Variants in LRP1B observed in about 807,000 individuals in gnomAD.
The protein encoded by LRP1B is LDL receptor related protein 1B.
LRP1B carries 217 observed loss-of-function variants against 556.6 expected under a neutral mutation model. That is an observed-to-expected ratio of 0.39 (90% CI 0.35 to 0.44). LRP1B has a LOEUF of 0.44. Ranked by LOEUF, LRP1B falls within the 20% of genes least tolerant of loss-of-function variation. The probability of loss-of-function intolerance (pLI) is 1.00; values close to 1 mark genes in which losing one functional copy is unlikely to be tolerated. For synonymous variants in LRP1B, 2,047 were observed against 1,865.8 expected (o/e 1.10, Z -2.50); for missense variants, 5,053 against 5,620.8 (o/e 0.90, Z 3.23).
intron 3 of LRP1B, among the ~76,000 whole-genome samples, chr2:141,403,278 T>A (rs16846018): frequency 0.012 from 1,871 of 152,266 alleles, 44 homozygotes; most frequent in African/African-American, 0.038. Flanking sequence ...TAGTTTAGGA[T>A]AAAATTATCA....
chr2:141,985,142 A>G (rs1702149801), intron 1 of LRP1B, among the ~76,000 whole-genome samples: 1 of 152,120 alleles, frequency 6.6e-6, no homozygotes, highest in Non-Finnish European at 1.5e-5. Flanking sequence ...CAAACTCTGG[A>G]AAGAAGTTGA....
intron 43 of LRP1B, among the ~76,000 whole-genome samples, chr2:140,598,408 G>T (rs548299427): frequency 6.6e-6 from 1 of 152,272 alleles, no homozygotes; most frequent in South Asian, 2.1e-4. Context: ...AAAAGTTTAT[G>T]TGTTGAGCTG....
intron 2 of LRP1B, among the ~76,000 whole-genome samples, chr2:141,707,556 A>G (rs753942154): frequency 6.6e-6 from 1 of 152,154 alleles, no homozygotes; most frequent in African/African-American, 2.4e-5. Flanking sequence ...GCACTCCTGC[A>G]ATTACTGCAC....
chr2:140,271,511 T>C (rs1682460589), intron 85 of LRP1B, among the ~76,000 whole-genome samples: 1 of 151,988 alleles, frequency 6.6e-6, no homozygotes, highest in Admixed American at 6.6e-5. Context: ...TCTGTGCATG[T>C]TTATTTGACC....
rs562577226 is a variant in LRP1B, at chr2:141,861,315, A to T, written c.83-50914T>A. Among the ~76,000 whole-genome samples, 77 of 152,244 alleles carry T rather than the reference A, an allele frequency of 5.1e-4. 1 individual carries two copies. Among genetic ancestry groups the T allele is most frequent in the South Asian group, 1.9e-3 (9 of 4,824 alleles). On this transcript the variant is annotated intron_variant, in intron 1 of 90. Coordinates refer to ENST00000389484, the MANE Select transcript of LRP1B (RefSeq NM_018557.3). ...CCAATAGGACTCTGTCTGGAAATCT[A>T]TTAGGACCCTACATTCAATATTCAC...
At chr2:140,327,944 CTTTTGATTTTCTA>C (rs143915738) in intron 79 of LRP1B, among the ~76,000 whole-genome samples, 6,203 of 152,020 alleles carry the variant, frequency 0.041, 144 homozygotes, top group South Asian at 0.084. Flanking sequence ...CAAATCAATA[CTTTTGATTTTCTA>C]TTAAGCCCTT....
chr2:141,662,904 C>T (rs1690276474), intron 2 of LRP1B, among the ~76,000 whole-genome samples: 1 of 151,888 alleles, frequency 6.6e-6, no homozygotes, highest in Non-Finnish European at 1.5e-5. Flanking sequence ...GACACTTACT[C>T]CAAAATTGTT....
chr2:140,329,783 A>C (rs773451313), intron 79 of LRP1B, among the ~76,000 whole-genome samples: 1 of 152,082 alleles, frequency 6.6e-6, no homozygotes, highest in Non-Finnish European at 1.5e-5. Context: ...GCTCATGGGT[A>C]GAAAGAATCA....
chr2:140,362,510 T>C (rs1238868349), intron 72 of LRP1B, among the ~76,000 whole-genome samples: 1 of 151,694 alleles, frequency 6.6e-6, no homozygotes, highest in East Asian at 1.9e-4. Context: ...CTGTTTACAA[T>C]AGGTTTATCT....
chr2:142,078,922 G>A (rs941455271), intron 1 of LRP1B, among the ~76,000 whole-genome samples: 2 of 152,036 alleles, frequency 1.3e-5, no homozygotes, highest in Non-Finnish European at 2.9e-5. Context: ...ATTCTATATG[G>A]CTTATAATCT....
chr2:140,595,868 A>T (rs193042368), intron 43 of LRP1B, among the ~76,000 whole-genome samples: 1 of 152,200 alleles, frequency 6.6e-6, no homozygotes, highest in African/African-American at 2.4e-5. Context: ...CATAAAAAGT[A>T]TAATTTTTAA....
intron 3 of LRP1B, among the ~76,000 whole-genome samples, chr2:141,264,953 A>T (rs1376426283): frequency 6.6e-6 from 1 of 152,192 alleles, no homozygotes; most frequent in Non-Finnish European, 1.5e-5. Flanking sequence ...CCGGAGCCCC[A>T]GATATCACTG....
At chr2:141,621,547 A>G (rs1688504779) in intron 2 of LRP1B, among the ~76,000 whole-genome samples, 1 of 152,198 alleles carries the variant, frequency 6.6e-6, no homozygotes, top group Admixed American at 6.5e-5. Flanking sequence ...AGATTAAACT[A>G]ATCATGGAAC....
intron 32 of LRP1B, among the ~76,000 whole-genome samples, chr2:140,780,378 A>C (rs1454866198): frequency 6.6e-6 from 1 of 152,212 alleles, no homozygotes. Context: ...TGGCTGTCTG[A>C]CTAAAGAAAA....
intron 1 of LRP1B, among the ~76,000 whole-genome samples, chr2:141,892,588 T>C (rs1409926019): frequency 1.3e-5 from 2 of 152,128 alleles, no homozygotes; most frequent in African/African-American, 4.8e-5. Flanking sequence ...CCTATATATT[T>C]ATACATTCTA....
intron 2 of LRP1B, among the ~76,000 whole-genome samples, chr2:141,779,404 T>A (rs951909781): frequency 6.6e-6 from 1 of 150,868 alleles, no homozygotes; most frequent in Non-Finnish European, 1.5e-5. Flanking sequence ...TAGACAAATA[T>A]GTTCAAAATA....
chr2:141,728,985 C>T (rs1013304364), intron 2 of LRP1B, among the ~76,000 whole-genome samples: 7 of 152,144 alleles, frequency 4.6e-5, no homozygotes, highest in Non-Finnish European at 7.4e-5. Context: ...GGTGGCCAGA[C>T]ACTAGATCAG....
chr2:140,493,570 C>T lies in LRP1B; in HGVS notation c.9035-877G>A, dbSNP rs145594244. Among the ~76,000 whole-genome samples, 478 of 126,168 alleles carry T rather than the reference C, an allele frequency of 3.8e-3. 1 individual carries two copies. The highest frequency in any genetic ancestry group is 0.013 in the African/African-American group (453 of 34,240). The allele number at this position is 126,168 out of a possible 152,430, so 82.8% of individuals were successfully genotyped here. ...TCATTTGGTGAATAATTTGCCCAAG[C>T]ATTTTAACATCTTTTTTTTAAGACA... On this transcript the variant is annotated intron_variant, in intron 56 of 90. Transcript: ENST00000389484.
chr2:141,021,613 C>T (rs982890703), intron 11 of LRP1B, among the ~76,000 whole-genome samples: 1 of 151,920 alleles, frequency 6.6e-6, no homozygotes. Context: ...AGTTGGTTTT[C>T]AAAAATTGAA....
Sources: allele counts gnomAD v4.1 joint callset (sites outside exome capture counted in the v4.1 genomes callset), GRCh38; gene constraint gnomAD v4.1.1; transcripts MANE v1.5; gene names NCBI Gene and HGNC (gene_info 2026-07-23, HGNC 2026-07-21).